The following ROCK2 variants were observed in gnomAD, a reference collection of about 807,000 sequenced individuals.
ROCK2 encodes rho-associated protein kinase 2.
In ROCK2, 61 loss-of-function variants were observed where a neutral mutation model predicts 195.1. That is an observed-to-expected ratio of 0.31 (90% CI 0.25 to 0.39). ROCK2 has a LOEUF of 0.39. ROCK2 is among the 10% of genes least tolerant of loss of function. ROCK2 has a pLI of 1.00. For synonymous variants in ROCK2, 504 were observed against 545.5 expected, an observed-to-expected ratio of 0.92 and a Z score of 1.06; for missense variants, 1,109 against 1,637.4, an observed-to-expected ratio of 0.68 and a Z score of 5.57.
chr2:11,233,726 A>G (rs1665104081), intron 5 of ROCK2, among the ~76,000 whole-genome samples: 1 of 152,184 alleles, frequency 6.6e-6, no homozygotes, highest in South Asian at 2.1e-4. Flanking sequence ...CAGCAAACAA[A>G]ATGACATCTA....
chr2:11,264,230 C>T (rs1666337877), intron 3 of ROCK2, among the ~76,000 whole-genome samples: 1 of 152,148 alleles, frequency 6.6e-6, no homozygotes, highest in Admixed American at 6.5e-5. Context: ...TGGTGAAACA[C>T]TGTTAGCAGA....
At chr2:11,209,685 T>C (rs1466971051) in intron 18 of ROCK2, among the ~76,000 whole-genome samples, 4 of 152,220 alleles carry the variant, frequency 2.6e-5, no homozygotes, top group African/African-American at 9.6e-5. Flanking sequence ...TATCTTGATA[T>C]ACTGGTTAGT....
intron 3 of ROCK2, among the ~76,000 whole-genome samples, chr2:11,265,440 A>G (rs977696044): frequency 1.3e-5 from 2 of 152,208 alleles, no homozygotes; most frequent in African/African-American, 4.8e-5. Flanking sequence ...GGAAATTTTC[A>G]TAACTCAATA....
At chr2:11,303,996 C>T (rs147000116) in intron 1 of ROCK2, among the ~76,000 whole-genome samples, 15 of 152,126 alleles carry the variant, frequency 9.9e-5, no homozygotes, top group Admixed American at 9.8e-4. Flanking sequence ...TGATGAAAAC[C>T]CATTTAAATC....
intron 11 of ROCK2, chr2:11,218,045 A>AT (rs1298977286): frequency 6.4e-6 from 1 of 157,334 alleles, no homozygotes; most frequent in Non-Finnish European, 1.4e-5. Flanking sequence ...ACTTTCCATT[A>AT]TTCCTTCTAG....
At position 11,216,164 on chromosome 2, in the gene ROCK2, T is replaced by G; in HGVS notation, c.1455A>C (p.Glu485Asp). The change falls in exon 13 of 33, where the codon GAA becomes GAC. Residue 485 changes from glutamate to aspartate, a missense_variant. Physicochemically the swap from Glu to Asp is conservative, Grantham distance 45. Coordinates refer to ENST00000315872, the MANE Select transcript of ROCK2 (RefSeq NM_004850.5). ...TRLEKTAKELEEEITLRKSVE... is the reference protein window; with the variant it reads ...TRLEKTAKELDEEITLRKSVE... ...AAAAGTGGGGCAACTTTACCTCCTC[T>G]TCTAGCTCCTTTGCTGTTTTTTCTA... is the stretch of plus-strand genomic sequence containing the variant. The G allele has an allele frequency of 6.2e-7, 1 of 1,612,988 alleles. No individual in the cohort carries two copies. Among genetic ancestry groups the G allele is most frequent in the Non-Finnish European group, 8.5e-7 (1 of 1,179,080 alleles).
chr2:11,269,175 T>A (rs1255191340), intron 3 of ROCK2, among the ~76,000 whole-genome samples: 1 of 152,234 alleles, frequency 6.6e-6, no homozygotes, highest in Non-Finnish European at 1.5e-5. Context: ...TTTCTCTACA[T>A]CTTCCTTTAG....
At chr2:11,334,281 G>C (rs149873113) in intron 1 of ROCK2, among the ~76,000 whole-genome samples, 3,422 of 152,244 alleles carry the variant, frequency 0.022, 58 homozygotes, top group East Asian at 0.053. Context: ...GGGAGGCCAA[G>C]GTGGGCGGAT....
intron 3 of ROCK2, among the ~76,000 whole-genome samples, chr2:11,255,893 C>G (rs1444565585): frequency 8.4e-6 from 1 of 118,818 alleles, no homozygotes; most frequent in Admixed American, 1.1e-4. Context: ...GCACTCCATG[C>G]ACTCCAGTCT....
chr2:11,263,749 G>GTT (rs1317379975), intron 3 of ROCK2, among the ~76,000 whole-genome samples: 2 of 143,346 alleles, frequency 1.4e-5, no homozygotes, highest in Non-Finnish European at 1.5e-5. Flanking sequence ...AAGGGTTAAA[G>GTT]TTTTTTTTTT....
chr2:11,200,927 A>G (rs1289635174), intron 23 of ROCK2, 30 bp downstream of exon 23: 129 of 1,561,828 alleles, frequency 8.3e-5, no homozygotes, highest in Non-Finnish European at 1.1e-4. Context: ...TTTAACTATA[A>G]TCCAAAAAAG....
At chr2:11,307,992 T>C (rs1194392289) in intron 1 of ROCK2, 33 of 1,500,086 alleles carry the variant, frequency 2.2e-5, no homozygotes, top group Non-Finnish European at 2.6e-5. Flanking sequence ...CTTGCTGGGG[T>C]AGGGGCAGGA....
At chr2:11,307,987 T>TGGGGTA (rs1667915610) in intron 1 of ROCK2, 3 of 1,490,296 alleles carry the variant, frequency 2.0e-6, no homozygotes, top group African/African-American at 2.8e-5. Context: ...CCGGCCTTGC[T>TGGGGTA]GGGGTAGGGG....
intron 5 of ROCK2, among the ~76,000 whole-genome samples, chr2:11,229,350 T>C (rs2148090864): frequency 6.6e-6 from 1 of 152,070 alleles, no homozygotes; most frequent in East Asian, 1.9e-4. Flanking sequence ...GAAATCTACA[T>C]TTATAACAAG....
intron 32 of ROCK2, among the ~76,000 whole-genome samples, chr2:11,186,598 G>C (rs954056927): frequency 6.6e-6 from 1 of 152,126 alleles, no homozygotes; most frequent in African/African-American, 2.4e-5. Flanking sequence ...ATCCCTTACT[G>C]AAAGACTTCT....
At chr2:11,343,101 A>T (rs976203212) in intron 1 of ROCK2, among the ~76,000 whole-genome samples, 2 of 152,172 alleles carry the variant, frequency 1.3e-5, no homozygotes, top group African/African-American at 4.8e-5. Context: ...TTTAATACAC[A>T]GAGTATCGTT....
chr2:11,258,241 A>C (rs1483620317), intron 3 of ROCK2, among the ~76,000 whole-genome samples: 1 of 151,418 alleles, frequency 6.6e-6, no homozygotes, highest in Non-Finnish European at 1.5e-5. Context: ...TGAATAAGTG[A>C]CTGACTGAAT....
intron 3 of ROCK2, among the ~76,000 whole-genome samples, chr2:11,253,002 G>A (rs1665892952): frequency 1.5e-5 from 1 of 68,454 alleles, no homozygotes; most frequent in Non-Finnish European, 3.5e-5. Context: ...GTAATCTGCA[G>A]GCAGAATCTA....
Position 11,311,454 on chromosome 2 carries a change from G to C in ROCK2, c.142-23718C>G, listed in dbSNP as rs891451076. Among the ~76,000 whole-genome samples the C allele has an allele frequency of 2.4e-4, 37 of 152,008 alleles. 1 individual carries two copies. The highest frequency in any genetic ancestry group is 2.4e-3 in the Admixed American group (37 of 15,252). On this transcript the variant is annotated intron_variant, in intron 1 of 32. Transcript: ENST00000315872. Reference sequence around the variant, plus strand: ...ACAAAAATTAGAGTTCTGGACTTACGAAGAAGAAAAAGTCCAGGGTTTTTA... The same window carrying C: ...ACAAAAATTAGAGTTCTGGACTTACCAAGAAGAAAAAGTCCAGGGTTTTTA...
Sources: gnomAD v4.1 joint callset for allele counts (sites outside exome capture counted in the v4.1 genomes callset) on GRCh38, gnomAD v4.1.1 for gene constraint, MANE v1.5 for transcripts, NCBI Gene and HGNC (gene_info 2026-07-23, HGNC 2026-07-21) for gene names.